The following SFMBT2 variants were observed in gnomAD, a reference collection of about 807,000 sequenced individuals.
SFMBT2 encodes the protein Scm like with four mbt domains 2.
In SFMBT2, 38 loss-of-function variants were observed where a neutral mutation model predicts 110.1. The observed-to-expected ratio is 0.35, with a 90% CI of 0.27 to 0.45. The LOEUF is 0.45. Ranked by LOEUF, SFMBT2 falls within the 20% of genes least tolerant of loss-of-function variation. The pLI, the probability that SFMBT2 is intolerant of heterozygous loss-of-function variation, is 1.00. For synonymous variants in SFMBT2, 425 were observed against 425.4 expected (o/e 1.00, Z 0.01); for missense variants, 1,011 against 1,094.9 (o/e 0.92, Z 1.08).
intron 2 of SFMBT2, among the ~76,000 whole-genome samples, chr10:7,377,328 C>A (rs536028613): frequency 5.9e-5 from 9 of 152,202 alleles, no homozygotes; most frequent in African/African-American, 1.9e-4. Context: ...CTTTTTGGCA[C>A]CAGGGACTGG....
At chr10:7,348,274 G>T (rs577791560) in intron 4 of SFMBT2, 62 of 1,515,702 alleles carry the variant, frequency 4.1e-5, no homozygotes, top group Admixed American at 1.1e-4. Context: ...AAGAAGTTTT[G>T]AGACATCCTT....
rs564811043 is a variant in SFMBT2 at position 7,356,576 on chromosome 10, C to A, written c.436+11073G>T. ...TACAGGCATGTGCCACCACGCCTGG[C>A]TAATTTTTGTATTTTTAATAGAGAC... On this transcript the variant is annotated intron_variant, in intron 4 of 20. Transcript: ENST00000397167. Among the ~76,000 whole-genome samples, 40 of 152,268 alleles carry A rather than the reference C, an allele frequency of 2.6e-4. No individual in the cohort carries two copies. The Middle Eastern group carries it at 0.01, about 39-fold the overall frequency.
chr10:7,408,544 G>T lies in SFMBT2; in HGVS notation c.-52+2317C>A, dbSNP rs370721560. 6.6e-6 allele frequency among the ~76,000 whole-genome samples: 1 copy of T among 152,206 alleles called. No homozygotes were observed. Among genetic ancestry groups the T allele is most frequent in the East Asian group, 1.9e-4 (1 of 5,196 alleles). On this transcript the variant is annotated intron_variant, in intron 1 of 20. Transcript: ENST00000397167. The surrounding 1 kb of genome is among the most constrained non-coding windows in gnomAD (Gnocchi z 5.7). ...AGATCAGGTTCGCGGGCCCGGAGGA[G>T]GTCCTCCCACCTGCCCCCGCCAGCC... is the stretch of plus-strand genomic sequence containing the variant.
At chr10:7,263,553 T>C (rs896640269) in intron 7 of SFMBT2, among the ~76,000 whole-genome samples, 5 of 152,342 alleles carry the variant, frequency 3.3e-5, no homozygotes, top group East Asian at 3.9e-4. Context: ...ACAGCCTCTA[T>C]TTCAAAGCCA....
At chr10:7,176,692 A>G (rs571839659) in intron 16 of SFMBT2, 5 of 166,022 alleles carry the variant, frequency 3.0e-5, no homozygotes, top group African/African-American at 1.2e-4. Flanking sequence ...TCTGTGCAGA[A>G]TGGTGATAGG....
chr10:7,279,179 C>T (rs957303575), intron 6 of SFMBT2, among the ~76,000 whole-genome samples: 12 of 152,050 alleles, frequency 7.9e-5, no homozygotes, highest in African/African-American at 1.2e-4. Context: ...TGAGAACTCA[C>T]GGAGAGGATG....
At chr10:7,292,337 ATGACAGAG>A (rs1842284665) in intron 4 of SFMBT2, 1 of 228,946 alleles carries the variant, frequency 4.4e-6, no homozygotes, top group African/African-American at 2.3e-5. Flanking sequence ...AGAAAAAAAG[ATGACAGAG>A]TTCTTTCCCT....
At chr10:7,250,224 G>A (rs191773182) in intron 7 of SFMBT2, among the ~76,000 whole-genome samples, 481 of 152,108 alleles carry the variant, frequency 3.2e-3, no homozygotes, top group Middle Eastern at 0.01. Flanking sequence ...GTAACTTTTC[G>A]ACCCATGACT....
At chr10:7,348,726 G>A (rs1404756566) in intron 4 of SFMBT2, among the ~76,000 whole-genome samples, 1 of 152,152 alleles carries the variant, frequency 6.6e-6, no homozygotes, top group Non-Finnish European at 1.5e-5. Flanking sequence ...TCAGAAAGCA[G>A]GCAGATTTTT....
At chr10:7,387,928 G>A (rs1470532963) in intron 1 of SFMBT2, among the ~76,000 whole-genome samples, 20 of 145,474 alleles carry the variant, frequency 1.4e-4, no homozygotes, top group Admixed American at 4.9e-4. Flanking sequence ...CAGCCTGGAC[G>A]ACAGAGCAAC....
At chr10:7,390,879 C>T (rs1299889079) in intron 1 of SFMBT2, among the ~76,000 whole-genome samples, 1 of 152,138 alleles carries the variant, frequency 6.6e-6, no homozygotes, top group African/African-American at 2.4e-5. Context: ...GCAGAAGGAT[C>T]ACCTGAGGTC....
At chr10:7,330,522 G>T (rs932790599) in intron 4 of SFMBT2, among the ~76,000 whole-genome samples, 5 of 152,166 alleles carry the variant, frequency 3.3e-5, no homozygotes, top group African/African-American at 1.2e-4. Flanking sequence ...CCTTAGCACA[G>T]GATGGCCCAG....
intron 7 of SFMBT2, among the ~76,000 whole-genome samples, chr10:7,251,003 G>T (rs1840786944): frequency 6.6e-6 from 1 of 152,060 alleles, no homozygotes; most frequent in South Asian, 2.1e-4. Context: ...CGAATTCAAA[G>T]ATTCAAAGTT....
intron 11 of SFMBT2, chr10:7,207,658 A>G: frequency 4.1e-6 from 4 of 975,450 alleles, no homozygotes; most frequent in Non-Finnish European, 4.9e-6. Flanking sequence ...CACCAAAACC[A>G]TAACTTCACG....
chr10:7,265,185 C>T (rs1232399497), intron 7 of SFMBT2, among the ~76,000 whole-genome samples: 2 of 148,772 alleles, frequency 1.3e-5, no homozygotes, highest in Non-Finnish European at 3.0e-5. Context: ...CCTCCCCTGC[C>T]TCCCTCTCTT....
chr10:7,214,086 C>G (rs996625359), intron 11 of SFMBT2, among the ~76,000 whole-genome samples: 2 of 152,154 alleles, frequency 1.3e-5, no homozygotes, highest in African/African-American at 4.8e-5. Flanking sequence ...GTGGGAACAT[C>G]CAGAGACAGA....
chr10:7,210,002 C>CA (rs1247969196), intron 11 of SFMBT2, among the ~76,000 whole-genome samples: 1 of 152,206 alleles, frequency 6.6e-6, no homozygotes, highest in African/African-American at 2.4e-5. Context: ...AACTAAACAG[C>CA]AATCAACATT....
intron 4 of SFMBT2, among the ~76,000 whole-genome samples, chr10:7,331,247 T>C (rs1843551277): frequency 6.6e-6 from 1 of 152,244 alleles, no homozygotes; most frequent in Non-Finnish European, 1.5e-5. Context: ...CATCACTCGA[T>C]GGCACACACC....
intron 2 of SFMBT2, among the ~76,000 whole-genome samples, chr10:7,374,160 G>A (rs1398225239): frequency 6.6e-6 from 1 of 152,176 alleles, no homozygotes; most frequent in Non-Finnish European, 1.5e-5. Flanking sequence ...TACTCAGGAG[G>A]CTGGGGCAGG....
Sources: gnomAD v4.1 joint callset for allele counts (sites outside exome capture counted in the v4.1 genomes callset) on GRCh38, gnomAD v4.1.1 for gene constraint, Gnocchi (gnomAD v3.1) non-coding constraint, MANE v1.5 for transcripts, NCBI Gene and HGNC (gene_info 2026-07-23, HGNC 2026-07-21) for gene names.